STAG3: variants seen among roughly 807,000 people sequenced by gnomAD.
STAG3 encodes STAG3 cohesin complex component, also known as cohesin subunit SA-3.
STAG3 carries 101 observed loss-of-function variants against 160.7 expected under a neutral mutation model. The ratio of observed to expected loss-of-function variants is 0.63; its 90% CI spans 0.54 to 0.74. STAG3 has a LOEUF of 0.74. Among genes scored for constraint, STAG3 ranks in the 30% least tolerant of loss-of-function variants. STAG3 has a pLI of 0.00. For missense variants in STAG3, 1,188 were observed against 1,517.4 expected (o/e 0.78, Z 3.61); for synonymous variants, 519 against 585.0 (o/e 0.89, Z 1.63).
downstream of STAG3, chr7:100,215,295 C>T (rs555282693): frequency 1.3e-5 from 2 of 152,220 alleles, no homozygotes; most frequent in Admixed American, 6.5e-5. Context: ...TGACTCCCTG[C>T]AATCAGGTCA....
chr7:100,185,173 T>G (rs572099917), intron 4 of STAG3, among the ~76,000 whole-genome samples: 2 of 152,108 alleles, frequency 1.3e-5, no homozygotes, highest in Non-Finnish European at 2.9e-5. Context: ...GCCCCTCTCA[T>G]AGCTGGGACT....
chr7:100,216,316 TATATAAAC>T (rs1309316799), downstream of STAG3, among the ~76,000 whole-genome samples: 1 of 151,132 alleles, frequency 6.6e-6, no homozygotes, highest in Non-Finnish European at 1.5e-5. Flanking sequence ...AATTGTAAGT[TATATAAAC>T]ATATACTAAT....
chr7:100,214,169 C>T lies in STAG3; in HGVS notation c.*154C>T. On this transcript the variant is annotated 3_prime_UTR_variant, in exon 34 of 34. Coordinates refer to ENST00000615138, the MANE Select transcript of STAG3 (RefSeq NM_001282717.2). ...GTTGGGCATTGTTTTTCTAACCTAACCTTTCCCTCTGGGGTAGAGAAGCCG... is the reference window on the plus strand; with the variant it reads ...GTTGGGCATTGTTTTTCTAACCTAATCTTTCCCTCTGGGGTAGAGAAGCCG... The T allele has an allele frequency of 9.1e-7, 1 of 1,100,080 alleles. No individual in the cohort carries two copies. The allele number at this position is 1,100,080 out of a possible 1,614,324, so 68.1% of individuals were successfully genotyped here. A position where few individuals can be genotyped will look rare whatever the true frequency, so the allele number is the denominator to read the frequency against.
At chr7:100,209,324 A>G (rs189422853) in intron 29 of STAG3, among the ~76,000 whole-genome samples, 4 of 152,338 alleles carry the variant, frequency 2.6e-5, no homozygotes, top group African/African-American at 7.2e-5. Flanking sequence ...CTTAGTGTGT[A>G]TCAGAATAGC....
At position 100,211,214 on chromosome 7, in the gene STAG3, T is replaced by C. The variant is rs1012672492; in HGVS notation, c.3413+29T>C. ...AGGCCATGGAGGGAATCTGGGTGTC[T>C]GAGTTCCCAGTTTGGTGTCTGGCTG... On this transcript the variant is annotated intron_variant, in intron 30 of 33. Transcript: ENST00000615138. 2.6e-6 allele frequency: 4 copies of C among 1,538,128 alleles called. No individual in the cohort carries two copies. The African/African-American group carries it at 4.1e-5, about 16-fold the overall frequency.
chr7:100,212,466 TA>T, intron 32 of STAG3: 1 of 152,404 alleles, frequency 6.6e-6, no homozygotes, highest in Admixed American at 6.5e-5. Flanking sequence ...TAATTATTTT[TA>T]TTTTTTGAGG....
In STAG3 at chr7:100,211,494, C is replaced by A; in HGVS notation, c.3473C>A (p.Thr1158Asn). The A allele has an allele frequency of 1.1e-5, 17 of 1,613,972 alleles. No homozygotes were observed. The highest frequency in any genetic ancestry group is 1.4e-5 in the Non-Finnish European group (17 of 1,180,004). Residue 1158 changes from threonine (T) to asparagine (N), a missense_variant, in exon 31 of 34, where the codon ACT becomes AAT. Physicochemically the swap from Thr to Asn is moderately conservative, Grantham distance 65. Coordinates refer to ENST00000615138, the MANE Select transcript of STAG3 (RefSeq NM_001282717.2). ...TTCTTGGGTCCACAATATTTCCAGA[C>A]TCCACACAACCCTTCAGGTCCTGGC... ...SRFLGPQYFQ[T>N]PHNPSGPGLG...
downstream of STAG3, among the ~76,000 whole-genome samples, chr7:100,215,672 A>G (rs1181539204): frequency 1.3e-5 from 2 of 152,102 alleles, no homozygotes; most frequent in African/African-American, 4.8e-5. Flanking sequence ...CAATATGGAC[A>G]CCTGTGTACA....
At chr7:100,213,282 G>C (rs1802433806) in intron 32 of STAG3, 1 of 1,021,760 alleles carries the variant, frequency 9.8e-7, no homozygotes, top group Non-Finnish European at 1.2e-6. Flanking sequence ...CAATATGTGG[G>C]TTTAGGGGGA....
At chr7:100,179,745 T>C (rs1799520403) in intron 1 of STAG3, among the ~76,000 whole-genome samples, 1 of 152,140 alleles carries the variant, frequency 6.6e-6, no homozygotes. Flanking sequence ...TATTTATTTA[T>C]TTATTTTGAG....
chr7:100,182,683 T>C, intron 3 of STAG3, 40 bp from the exon 4 acceptor site: 1 of 1,598,746 alleles, frequency 6.3e-7, no homozygotes, highest in Non-Finnish European at 8.6e-7. Context: ...TTACCTTTTT[T>C]GTTTTTTTTT....
chr7:100,191,671 A>G (rs923872250), intron 8 of STAG3, among the ~76,000 whole-genome samples: 13 of 152,208 alleles, frequency 8.5e-5, no homozygotes, highest in African/African-American at 2.9e-4. Flanking sequence ...CTCCATGTTG[A>G]TGGCTGCTGA....
intron 1 of STAG3, among the ~76,000 whole-genome samples, chr7:100,179,730 T>C (rs956731623): frequency 2.6e-5 from 4 of 152,092 alleles, no homozygotes; most frequent in African/African-American, 9.7e-5. Flanking sequence ...GTCAGCTCTT[T>C]GTCTTATTTA....
In STAG3 at chr7:100,201,259, C is replaced by A; in HGVS notation, c.2133-5C>A. ...CAGTATAACATTCCCCTTTCTCCCC[C>A]AAAGCACTCATGACCTGACTCGCTG... On this transcript the variant is annotated splice_region_variant and splice_polypyrimidine_tract_variant and intron_variant, in intron 20 of 33. Transcript: ENST00000615138. The A allele has an allele frequency of 1.1e-5, 18 of 1,614,082 alleles. No individual in the cohort carries two copies. The highest frequency in any genetic ancestry group is 1.5e-5 in the Non-Finnish European group (18 of 1,180,004).
chr7:100,182,098 ACT>A lies in STAG3; in HGVS notation c.128_129del (p.Ser43PhefsTer4), dbSNP rs770580653. On this transcript the variant is annotated frameshift_variant, in exon 3 of 34. Coordinates refer to ENST00000615138, the MANE Select transcript of STAG3 (RefSeq NM_001282717.2). LOFTEE classifies it high-confidence loss of function. ...ACCATACTTTCTCACAGGAATGGCG[ACT>A]CTTTGTTAGCTGATGAAGACACTGA... The A allele has an allele frequency of 6.2e-7, 1 of 1,612,092 alleles. No homozygotes were observed. The highest frequency in any genetic ancestry group is 1.7e-5 in the Admixed American group (1 of 59,816).
downstream of STAG3, among the ~76,000 whole-genome samples, chr7:100,214,752 A>G (rs550421423): frequency 2.7e-4 from 41 of 152,240 alleles, no homozygotes; most frequent in African/African-American, 9.1e-4. Context: ...CCTCATCCCA[A>G]AGATACCTGT....
intron 19 of STAG3, 42 bp from the exon 20 acceptor site, chr7:100,201,048 G>A (rs373248893): frequency 2.6e-5 from 42 of 1,613,986 alleles, no homozygotes; most frequent in Middle Eastern, 1.6e-4. Context: ...GGACTGATGA[G>A]TTCTGGGGGA....
intron 11 of STAG3, 89 bp from the exon 12 acceptor site, chr7:100,197,998 G>C: frequency 1.3e-6 from 2 of 1,523,088 alleles, no homozygotes; most frequent in Non-Finnish European, 1.8e-6. Context: ...CTCTACGTAG[G>C]CACTCTCTTT....
intron 26 of STAG3, 71 bp from the exon 27 acceptor site, chr7:100,204,556 G>T: frequency 1.3e-6 from 2 of 1,560,906 alleles, no homozygotes; most frequent in South Asian, 2.3e-5. Context: ...GAGTAGAGAA[G>T]AGAATGCTGG....
Sources: allele counts gnomAD v4.1 joint callset (sites outside exome capture counted in the v4.1 genomes callset), GRCh38; gene constraint gnomAD v4.1.1; transcripts MANE v1.5; gene names NCBI Gene and HGNC (gene_info 2026-07-23, HGNC 2026-07-21).